USP4: variants seen among roughly 807,000 people sequenced by gnomAD.
USP4 encodes ubiquitin carboxyl-terminal hydrolase 4.
In USP4, 72 loss-of-function variants were observed where a neutral mutation model predicts 118.2. The observed-to-expected ratio is 0.61, with a 90% CI of 0.50 to 0.74. USP4 has a LOEUF of 0.74. Ranked by LOEUF, USP4 falls within the 30% of genes least tolerant of loss-of-function variation. The pLI is 0.00. For synonymous variants in USP4, 415 were observed against 440.4 expected (o/e 0.94, Z 0.72); for missense variants, 1,037 against 1,185.7 (o/e 0.87, Z 1.84).
intron 2 of USP4, among the ~76,000 whole-genome samples, chr3:49,333,255 C>T (rs1222054052): frequency 6.6e-6 from 1 of 150,424 alleles, no homozygotes; most frequent in Non-Finnish European, 1.5e-5. Context: ...GTTCCTCCAT[C>T]TCCCAGGCAA....
chr3:49,330,379 G>A (rs967795461), intron 2 of USP4, among the ~76,000 whole-genome samples: 1 of 151,608 alleles, frequency 6.6e-6, no homozygotes. Context: ...CCAGGCTGGA[G>A]TGCAGTGGCG....
chr3:49,309,111 T>G (rs1327840264), intron 8 of USP4, among the ~76,000 whole-genome samples: 3 of 151,648 alleles, frequency 2.0e-5, no homozygotes, highest in Admixed American at 1.3e-4. Context: ...TACATTTTGA[T>G]CCTCCTGACC....
rs1575600394 is a variant in USP4, at chr3:49,284,272, C to T, written c.2391-136G>A. The stretch of plus-strand genomic sequence containing the variant: ...AGCACTCAACACTACTGCTTCTGGC[C>T]AGGGACCTGTCTTCCAAAATGGGGT... On this transcript the variant is annotated intron_variant, in intron 18 of 21. Transcript: ENST00000265560. The T allele has an allele frequency of 9.4e-6, 12 of 1,282,692 alleles. No homozygotes were observed. In the East Asian group the frequency reaches 2.8e-4, roughly 30 times the overall value. The allele number at this position is 1,282,692 out of a possible 1,614,324, so 79.5% of individuals were successfully genotyped here. A position where few individuals can be genotyped will look rare whatever the true frequency, so the allele number is the denominator to read the frequency against.
intron 15 of USP4, among the ~76,000 whole-genome samples, chr3:49,287,447 C>T (rs1398369363): frequency 1.3e-5 from 2 of 152,062 alleles, no homozygotes; most frequent in Admixed American, 1.3e-4. Flanking sequence ...AGCCACTGCA[C>T]CCGGCCAAGA....
At chr3:49,282,402 G>GA (rs1306125571) in intron 19 of USP4, among the ~76,000 whole-genome samples, 1 of 151,812 alleles carries the variant, frequency 6.6e-6, no homozygotes, top group Non-Finnish European at 1.5e-5. Flanking sequence ...AGCCTCCCAA[G>GA]TAGCAGGGAT....
At chr3:49,291,119 C>T (rs562716083) in intron 15 of USP4, among the ~76,000 whole-genome samples, 1 of 152,096 alleles carries the variant, frequency 6.6e-6, no homozygotes, top group East Asian at 2.0e-4. Context: ...CAGGTGCCCA[C>T]CACCACGCCT....
At chr3:49,295,288 CAAAAAA>C (rs34296887) in intron 13 of USP4, among the ~76,000 whole-genome samples, 4 of 11,924 alleles carry the variant, frequency 3.4e-4, no homozygotes, top group Non-Finnish European at 5.4e-4. Flanking sequence ...GACTCCATCT[CAAAAAA>C]AAAAAAAAAA....
At chr3:49,335,669 T>A (rs1477019494) in intron 1 of USP4, 73 bp from the exon 2 acceptor site, 1 of 1,567,400 alleles carries the variant, frequency 6.4e-7, no homozygotes. Context: ...TCCTTAATCT[T>A]TTTTATGGTC....
At chr3:49,298,524 C>T in intron 12 of USP4, 28 bp downstream of exon 12, 1 of 1,610,200 alleles carries the variant, frequency 6.2e-7, no homozygotes, top group East Asian at 2.2e-5. Context: ...CCCAAATAGA[C>T]CGAGTGCCAC....
chr3:49,295,196 G>A (rs2047190434), intron 13 of USP4, among the ~76,000 whole-genome samples: 1 of 148,308 alleles, frequency 6.7e-6, no homozygotes, highest in South Asian at 2.1e-4. Flanking sequence ...GGCTGAGGCA[G>A]GAGAATGGTG....
chr3:49,315,884 C>T (rs1050425897), intron 6 of USP4, among the ~76,000 whole-genome samples: 1 of 152,120 alleles, frequency 6.6e-6, no homozygotes, highest in African/African-American at 2.4e-5. Context: ...AGACTGAATG[C>T]TGCTCTGAGG....
At chr3:49,327,887 G>T in intron 2 of USP4, 71 bp from the exon 3 acceptor site, 1 of 1,428,052 alleles carries the variant, frequency 7.0e-7, no homozygotes, top group Non-Finnish European at 9.6e-7. Flanking sequence ...TGATTTCCAT[G>T]TACTTTTCAG....
intron 8 of USP4, among the ~76,000 whole-genome samples, chr3:49,309,895 G>A (rs900054199): frequency 1.3e-4 from 20 of 148,150 alleles, no homozygotes; most frequent in African/African-American, 5.0e-4. Flanking sequence ...CCAAAGTGCT[G>A]GGATTACAGG....
intron 2 of USP4, among the ~76,000 whole-genome samples, chr3:49,330,627 G>C (rs904134715): frequency 3.3e-5 from 5 of 151,948 alleles, no homozygotes; most frequent in African/African-American, 9.7e-5. Flanking sequence ...CACTGCACCT[G>C]GCAGCAGTAA....
intron 9 of USP4, among the ~76,000 whole-genome samples, chr3:49,303,801 G>A (rs575860862): frequency 4.3e-4 from 65 of 151,902 alleles, no homozygotes; most frequent in Middle Eastern, 3.4e-3. Context: ...TTGCCAGGCT[G>A]GAGTGCAGTG....
At chr3:49,338,350 G>C (rs1009997176) in intron 1 of USP4, among the ~76,000 whole-genome samples, 1 of 151,894 alleles carries the variant, frequency 6.6e-6, no homozygotes, top group African/African-American at 2.4e-5. Context: ...GAACCCTATA[G>C]AGGTTAACTT....
intron 1 of USP4, among the ~76,000 whole-genome samples, chr3:49,336,513 TAAAC>T (rs2047670467): frequency 6.7e-6 from 1 of 149,728 alleles, no homozygotes; most frequent in African/African-American, 2.4e-5. Context: ...TGTTTGCTAA[TAAAC>T]AAGTCATTAA....
At chr3:49,331,319 CAAA>C (rs57599688) in intron 2 of USP4, among the ~76,000 whole-genome samples, 1 of 146,950 alleles carries the variant, frequency 6.8e-6, no homozygotes, top group Non-Finnish European at 1.5e-5. Flanking sequence ...AACTCCGACT[CAAA>C]AAAAAAAAAA....
At chr3:49,288,540 T>C (rs1465415308) in intron 15 of USP4, among the ~76,000 whole-genome samples, 2 of 152,080 alleles carry the variant, frequency 1.3e-5, no homozygotes, top group Non-Finnish European at 2.9e-5. Context: ...CCAGGCATGG[T>C]GTCAGGTGCC....
Sources: gnomAD v4.1 joint callset for allele counts (sites outside exome capture counted in the v4.1 genomes callset) on GRCh38, gnomAD v4.1.1 for gene constraint, MANE v1.5 for transcripts, NCBI Gene and HGNC (gene_info 2026-07-23, HGNC 2026-07-21) for gene names.